ARHGAP22: variants seen among roughly 807,000 people sequenced by gnomAD.
The protein encoded by ARHGAP22 is rho GTPase-activating protein 22.
In ARHGAP22, 48 loss-of-function variants were observed where a neutral mutation model predicts 59.1. The observed-to-expected ratio is 0.81, with a 90% CI of 0.64 to 1.03. The LOEUF is 1.03. Among genes scored for constraint, ARHGAP22 ranks in the 50% least tolerant of loss-of-function variants. ARHGAP22 has a pLI of 0.00. For synonymous variants in ARHGAP22, 445 were observed against 416.4 expected, an observed-to-expected ratio of 1.07 and a Z score of -0.84; for missense variants, 1,015 against 958.7, an observed-to-expected ratio of 1.06 and a Z score of -0.78.
chr10:48,528,106 G>A (rs4838613), intron 3 of ARHGAP22, among the ~76,000 whole-genome samples: 15,709 of 152,210 alleles, frequency 0.1, 1,449 homozygotes, highest in East Asian at 0.58. Flanking sequence ...TTTCTAGGGG[G>A]TGCTGCTGCT....
intron 3 of ARHGAP22, among the ~76,000 whole-genome samples, chr10:48,511,990 G>T (rs1295570900): frequency 6.6e-6 from 1 of 152,226 alleles, no homozygotes; most frequent in East Asian, 1.9e-4. Flanking sequence ...CAGGGAGGAG[G>T]CTGCTCCAGG....
At chr10:48,653,577 G>A (rs1487609826), upstream of ARHGAP22, among the ~76,000 whole-genome samples, 1 of 152,260 alleles carries the variant, frequency 6.6e-6, no homozygotes, top group Non-Finnish European at 1.5e-5. Context: ...AGCAGAAGGA[G>A]GCAGCAGGCG....
intron 3 of ARHGAP22, among the ~76,000 whole-genome samples, chr10:48,481,006 G>A (rs2049256160): frequency 6.6e-6 from 1 of 152,240 alleles, no homozygotes; most frequent in Non-Finnish European, 1.5e-5. Flanking sequence ...AGGGGGAGAG[G>A]CCGTGGGGCC....
At chr10:48,556,244 C>T (rs114869723) in intron 2 of ARHGAP22, among the ~76,000 whole-genome samples, 331 of 152,158 alleles carry the variant, frequency 2.2e-3, no homozygotes, top group African/African-American at 7.7e-3. Context: ...AGGTAACCCG[C>T]TCAATGTCTC....
At chr10:48,566,407 A>G (rs965189420) in intron 2 of ARHGAP22, among the ~76,000 whole-genome samples, 13 of 152,178 alleles carry the variant, frequency 8.5e-5, no homozygotes, top group African/African-American at 3.1e-4. Flanking sequence ...TCCTTATCAC[A>G]CAAGCCTGTA....
At chr10:48,639,674 A>G (rs2061963194) in intron 1 of ARHGAP22, among the ~76,000 whole-genome samples, 1 of 152,242 alleles carries the variant, frequency 6.6e-6, no homozygotes. Context: ...AGGGAGACAG[A>G]TTTCACAGAT....
At chr10:48,462,815 G>A (rs909757446) in intron 4 of ARHGAP22, among the ~76,000 whole-genome samples, 1 of 152,218 alleles carries the variant, frequency 6.6e-6, no homozygotes, top group Non-Finnish European at 1.5e-5. Flanking sequence ...TGGCCTGCTA[G>A]CTGCCAGGGA....
chr10:48,566,377 A>T (rs2058047888), intron 2 of ARHGAP22, among the ~76,000 whole-genome samples: 1 of 152,198 alleles, frequency 6.6e-6, no homozygotes, highest in South Asian at 2.1e-4. Context: ...AGTGCCAAGG[A>T]GGGAAGCATC....
intron 3 of ARHGAP22, among the ~76,000 whole-genome samples, chr10:48,517,221 A>G (rs4457706): frequency 0.041 from 6,277 of 152,212 alleles, 429 homozygotes; most frequent in African/African-American, 0.14. Context: ...ATAAATTCAA[A>G]TTCAATTCAA....
intron 5 of ARHGAP22, among the ~76,000 whole-genome samples, chr10:48,456,278 A>G (rs1213714851): frequency 1.3e-5 from 2 of 152,170 alleles, no homozygotes; most frequent in Non-Finnish European, 2.9e-5. Flanking sequence ...TCACTGAGAT[A>G]AATACCTTCT....
At chr10:48,539,291 A>T (rs67650719) in intron 3 of ARHGAP22, among the ~76,000 whole-genome samples, 67,763 of 134,622 alleles carry the variant, frequency 0.5, 17,673 homozygotes, top group East Asian at 0.98. Flanking sequence ...GAAGGGTAAC[A>T]TTTTTTTTTT....
chr10:48,600,124 A>T (rs1391959323), intron 1 of ARHGAP22, among the ~76,000 whole-genome samples: 2 of 152,196 alleles, frequency 1.3e-5, no homozygotes, highest in African/African-American at 4.8e-5. Flanking sequence ...TAAAGATTAA[A>T]ATAGGACATT....
chr10:48,435,613 T>G, the ARHGAP22 span: 1 of 152,132 alleles, frequency 6.6e-6, no homozygotes, highest in African/African-American at 2.4e-5. Context: ...CAATCCTAAT[T>G]TAGTTACAAG....
chr10:48,435,642 C>T, the ARHGAP22 span: 2 of 152,222 alleles, frequency 1.3e-5, no homozygotes, highest in African/African-American at 4.8e-5. Context: ...GGCAATCCTA[C>T]TTAATTTTGG....
chr10:48,630,371 T>C (rs774301306), intron 1 of ARHGAP22, among the ~76,000 whole-genome samples: 14 of 152,218 alleles, frequency 9.2e-5, no homozygotes, highest in South Asian at 2.1e-4. Flanking sequence ...ATTACAGGAA[T>C]GAGCCACCAC....
intron 3 of ARHGAP22, among the ~76,000 whole-genome samples, chr10:48,486,568 G>T (rs1468117167): frequency 6.6e-6 from 1 of 152,132 alleles, no homozygotes; most frequent in Admixed American, 6.5e-5. Flanking sequence ...TCGAACTCCT[G>T]ACCTCAGATG....
chr10:48,533,183 T>G (rs527362906), intron 3 of ARHGAP22, among the ~76,000 whole-genome samples: 51 of 132,328 alleles, frequency 3.9e-4, no homozygotes, highest in Admixed American at 1.5e-3. Context: ...GTTCTGTTGT[T>G]TTTTTTTTTT....
intron 3 of ARHGAP22, among the ~76,000 whole-genome samples, chr10:48,484,357 T>C (rs1443671805): frequency 2.0e-5 from 3 of 152,276 alleles, no homozygotes; most frequent in Non-Finnish European, 4.4e-5. Context: ...CGCTTGGTAA[T>C]GATGTACTAT....
intron 2 of ARHGAP22, among the ~76,000 whole-genome samples, chr10:48,558,508 C>T (rs1159015605): frequency 6.6e-6 from 1 of 152,000 alleles, no homozygotes; most frequent in Non-Finnish European, 1.5e-5. Context: ...TAGGTGTATG[C>T]CACCATGCCT....
Sources: gnomAD v4.1 joint callset for allele counts (sites outside exome capture counted in the v4.1 genomes callset) on GRCh38, gnomAD v4.1.1 for gene constraint, MANE v1.5 for transcripts, NCBI Gene and HGNC (gene_info 2026-07-23, HGNC 2026-07-21) for gene names.